SGCG: variants seen among roughly 807,000 people sequenced by gnomAD.
SGCG encodes the protein gamma-sarcoglycan.
SGCG carries 26 observed loss-of-function variants against 29.3 expected under a neutral mutation model. That is an observed-to-expected ratio of 0.89 (90% CI 0.65 to 1.23). The LOEUF is 1.23. SGCG is among the 50% of genes most tolerant of loss of function. The pLI, the probability that SGCG is intolerant of heterozygous loss-of-function variation, is 0.00. For missense variants in SGCG, 353 were observed against 356.0 expected (o/e 0.99, Z 0.07); for synonymous variants, 145 against 129.7 (o/e 1.12, Z -0.80).
At chr13:23,258,389 AT>A (rs200126155) in intron 4 of SGCG, among the ~76,000 whole-genome samples, 5,238 of 152,246 alleles carry the variant, frequency 0.034, 108 homozygotes, top group African/African-American at 0.035. Flanking sequence ...ATTTTGGCAC[AT>A]TGATTTTGTA....
At chr13:23,187,603 AG>A (rs1273559624) in intron 1 of SGCG, among the ~76,000 whole-genome samples, 1 of 152,180 alleles carries the variant, frequency 6.6e-6, no homozygotes, top group East Asian at 1.9e-4. Flanking sequence ...GCTGGCCATA[AG>A]GGTCACCCCT....
chr13:23,288,139 C>T (rs1881570366), intron 5 of SGCG, among the ~76,000 whole-genome samples: 1 of 152,200 alleles, frequency 6.6e-6, no homozygotes, highest in African/African-American at 2.4e-5. Context: ...AGTTGGGTCC[C>T]TATTTCAAGT....
At chr13:23,237,608 C>T (rs1879358028) in intron 3 of SGCG, among the ~76,000 whole-genome samples, 2 of 152,140 alleles carry the variant, frequency 1.3e-5, no homozygotes, top group South Asian at 4.1e-4. Context: ...GAGGAGGCTA[C>T]AAAGATGCCA....
chr13:23,308,150 T>G (rs1276352753), intron 6 of SGCG, among the ~76,000 whole-genome samples: 1 of 152,162 alleles, frequency 6.6e-6, no homozygotes, highest in Non-Finnish European at 1.5e-5. Context: ...CCTTGTAGTA[T>G]TCTATGAAAA....
intron 6 of SGCG, among the ~76,000 whole-genome samples, chr13:23,305,388 T>C (rs1268705508): frequency 6.6e-6 from 1 of 152,252 alleles, no homozygotes; most frequent in Non-Finnish European, 1.5e-5. Flanking sequence ...TCTCACTACC[T>C]TACTAAACCT....
chr13:23,260,551 G>T (rs1009402512), intron 4 of SGCG, among the ~76,000 whole-genome samples: 4 of 151,882 alleles, frequency 2.6e-5, no homozygotes, highest in Non-Finnish European at 4.4e-5. Context: ...TTACATTTAA[G>T]ATTAATATTG....
intron 4 of SGCG, among the ~76,000 whole-genome samples, chr13:23,276,678 G>T (rs961576057): frequency 2.6e-5 from 4 of 152,162 alleles, no homozygotes; most frequent in Non-Finnish European, 5.9e-5. Context: ...CAGGCAATCT[G>T]CCCGCCTCGG....
At chr13:23,213,858 G>C (rs1878326838) in intron 2 of SGCG, among the ~76,000 whole-genome samples, 1 of 152,128 alleles carries the variant, frequency 6.6e-6, no homozygotes. Flanking sequence ...GGCTACCGAG[G>C]CTCAGCCTAG....
At chr13:23,174,195 T>C in the SGCG span, among the ~76,000 whole-genome samples, 1 of 151,990 alleles carries the variant, frequency 6.6e-6, no homozygotes, top group Non-Finnish European at 1.5e-5. Context: ...TTAGCCCAGC[T>C]CAAGAGAACA....
intron 1 of SGCG, among the ~76,000 whole-genome samples, chr13:23,187,384 A>G (rs1877024384): frequency 6.6e-6 from 1 of 152,184 alleles, no homozygotes; most frequent in Non-Finnish European, 1.5e-5. Context: ...ACCACCATCC[A>G]TGAGACCATG....
Position 23,260,835 on chromosome 13 carries a change from C to A in SGCG, c.385+10118C>A, listed in dbSNP as rs560539102. On this transcript the variant is annotated intron_variant, in intron 4 of 7. Coordinates refer to ENST00000218867, the MANE Select transcript of SGCG (RefSeq NM_000231.3). ...AGTTTGAAATTCTGGGTTGAAAATT[C>A]TTTTCTTTAAGAATGTTGAATATTG... Among the ~76,000 whole-genome samples, 286 of 152,114 alleles carry A rather than the reference C, an allele frequency of 1.9e-3. 2 individuals carry two copies. Among genetic ancestry groups the A allele is most frequent in the African/African-American group, 6.7e-3 (277 of 41,534 alleles).
At chr13:23,208,485 A>G (rs1878067341) in intron 2 of SGCG, among the ~76,000 whole-genome samples, 1 of 152,160 alleles carries the variant, frequency 6.6e-6, no homozygotes, top group Non-Finnish European at 1.5e-5. Flanking sequence ...AAAATTTAAA[A>G]GAGAGAAGAC....
intron 3 of SGCG, among the ~76,000 whole-genome samples, chr13:23,235,722 T>C (rs9510645): frequency 0.15 from 22,328 of 152,266 alleles, 1,995 homozygotes; most frequent in African/African-American, 0.25. Context: ...TTCACCCAGC[T>C]ATAACTTTCT....
At chr13:23,306,090 C>A (rs1258653939) in intron 6 of SGCG, among the ~76,000 whole-genome samples, 1 of 152,066 alleles carries the variant, frequency 6.6e-6, no homozygotes. Flanking sequence ...GTCTTGAACT[C>A]CCGGCCTCAA....
intron 1 of SGCG, among the ~76,000 whole-genome samples, chr13:23,198,709 G>A (rs1025486343): frequency 6.6e-6 from 1 of 151,790 alleles, no homozygotes; most frequent in African/African-American, 2.4e-5. Context: ...AGCTGGATGT[G>A]GTGGCGCACA....
chr13:23,178,229 C>T (rs1271785870), upstream of SGCG, among the ~76,000 whole-genome samples: 2 of 152,016 alleles, frequency 1.3e-5, no homozygotes, highest in Non-Finnish European at 2.9e-5. Context: ...ATAGGTGATG[C>T]CAGAGAAGGT....
chr13:23,232,241 A>T (rs1040915755), intron 2 of SGCG, among the ~76,000 whole-genome samples: 2 of 152,160 alleles, frequency 1.3e-5, no homozygotes, highest in African/African-American at 4.8e-5. Flanking sequence ...GTCAGTTCGA[A>T]TCGTAGTTTA....
At chr13:23,320,091 G>A (rs1043130911) in intron 6 of SGCG, among the ~76,000 whole-genome samples, 1 of 152,174 alleles carries the variant, frequency 6.6e-6, no homozygotes, top group East Asian at 1.9e-4. Context: ...TTATGAACAT[G>A]TGGAAAATGC....
chr13:23,282,853 T>C (rs1881358558), intron 5 of SGCG, among the ~76,000 whole-genome samples: 1 of 152,218 alleles, frequency 6.6e-6, no homozygotes, highest in Non-Finnish European at 1.5e-5. Context: ...GCGGCATTCT[T>C]AGCCATTTAG....
Sources: gnomAD v4.1 joint callset for allele counts (sites outside exome capture counted in the v4.1 genomes callset) on GRCh38, gnomAD v4.1.1 for gene constraint, MANE v1.5 for transcripts, NCBI Gene and HGNC (gene_info 2026-07-23, HGNC 2026-07-21) for gene names.